Variants in RSU1 observed in about 807,000 individuals in gnomAD.
RSU1 encodes rsu-1.
A neutral mutation model predicts 31.1 loss-of-function variants in RSU1; 26 were observed. The observed-to-expected ratio is 0.84, with a 90% CI of 0.61 to 1.16. RSU1 has a LOEUF of 1.16. Among genes scored for constraint, RSU1 ranks in the 50% most tolerant of loss-of-function variants. RSU1 has a pLI of 0.00. For synonymous variants in RSU1, 164 were observed against 136.3 expected (o/e 1.20, Z -1.41); for missense variants, 320 against 339.1 (o/e 0.94, Z 0.44).
At chr10:16,660,160 T>G (rs1247489413) in intron 8 of RSU1, among the ~76,000 whole-genome samples, 1 of 152,190 alleles carries the variant, frequency 6.6e-6, no homozygotes, top group African/African-American at 2.4e-5. Context: ...AATGTCTCCC[T>G]CCAAGGTAAA....
chr10:16,730,447 G>A (rs898657019), intron 7 of RSU1, among the ~76,000 whole-genome samples: 1 of 152,168 alleles, frequency 6.6e-6, no homozygotes, highest in African/African-American at 2.4e-5. Flanking sequence ...GAAGAGAAGT[G>A]CAGTGTCTTG....
chr10:16,705,076 G>A (rs1349138502), intron 7 of RSU1, among the ~76,000 whole-genome samples: 1 of 151,934 alleles, frequency 6.6e-6, no homozygotes, highest in East Asian at 1.9e-4. Context: ...GCTTATCTCT[G>A]TGATTTTGAC....
intron 2 of RSU1, among the ~76,000 whole-genome samples, chr10:16,784,911 G>A (rs2131650106): frequency 6.6e-6 from 1 of 152,230 alleles, no homozygotes; most frequent in African/African-American, 2.4e-5. Flanking sequence ...CATGGCCAGG[G>A]CAGGAGGAAG....
rs1250801502 is a variant in RSU1 at position 16,752,609 on chromosome 10, G to A, written c.528C>T (p.Ile176=). The change falls in exon 7 of 9, where the codon ATC becomes ATT. Residue 176 remains isoleucine (I), a synonymous_variant. Transcript: ENST00000345264. Reference sequence around the variant, plus strand: ...GCTCTTTAAGCTGGGTAAGCTCCCCGATTTCCTTAGGCAGCGAGATCAGGT... The same window carrying A: ...GCTCTTTAAGCTGGGTAAGCTCCCCAATTTCCTTAGGCAGCGAGATCAGGT... ...DNDLISLPKE[I]GELTQLKELH... 11 of 1,614,118 alleles carry A rather than the reference G, an allele frequency of 6.8e-6. No individual in the cohort carries two copies. Among genetic ancestry groups the A allele is most frequent in the Middle Eastern group, 3.3e-4 (2 of 6,062 alleles).
chr10:16,745,700 C>T (rs1243673432), intron 7 of RSU1, among the ~76,000 whole-genome samples: 2 of 152,126 alleles, frequency 1.3e-5, no homozygotes, highest in South Asian at 2.1e-4. Flanking sequence ...ATGGGAGCTA[C>T]CAGATGAGAT....
intron 8 of RSU1, among the ~76,000 whole-genome samples, chr10:16,654,052 G>C (rs920932152): frequency 1.3e-5 from 2 of 151,860 alleles, no homozygotes; most frequent in African/African-American, 4.8e-5. Flanking sequence ...ACCCAGGCTG[G>C]AGTGCAATGG....
chr10:16,770,143 A>G (rs1401909112), intron 3 of RSU1, among the ~76,000 whole-genome samples: 8 of 152,060 alleles, frequency 5.3e-5, no homozygotes, highest in Admixed American at 4.6e-4. Context: ...GCTTGGGTGC[A>G]GCTGATTTGG....
intron 8 of RSU1, among the ~76,000 whole-genome samples, chr10:16,631,096 C>T (rs1226469082): frequency 1.3e-5 from 2 of 152,134 alleles, no homozygotes; most frequent in African/African-American, 4.8e-5. Flanking sequence ...CATTTGGGTT[C>T]CAGGGTCCCT....
At chr10:16,715,219 C>T (rs1836116868) in intron 7 of RSU1, among the ~76,000 whole-genome samples, 1 of 152,228 alleles carries the variant, frequency 6.6e-6, no homozygotes, top group African/African-American at 2.4e-5. Flanking sequence ...GGGATGAGCA[C>T]TAGGCAACTC....
chr10:16,664,197 T>A (rs980572791), intron 8 of RSU1, among the ~76,000 whole-genome samples: 5 of 152,140 alleles, frequency 3.3e-5, no homozygotes, highest in Admixed American at 3.3e-4. Context: ...ATTTTAGAAG[T>A]TTATGAGGTC....
At chr10:16,647,595 C>T (rs1588693360) in intron 8 of RSU1, among the ~76,000 whole-genome samples, 1 of 152,166 alleles carries the variant, frequency 6.6e-6, no homozygotes, top group East Asian at 1.9e-4. Flanking sequence ...TGGTATGACT[C>T]CATTTATATG....
chr10:16,674,343 C>T (rs1296816101), intron 8 of RSU1, among the ~76,000 whole-genome samples: 1 of 150,608 alleles, frequency 6.6e-6, no homozygotes, highest in African/African-American at 2.4e-5. Flanking sequence ...ATCTGAGCAA[C>T]TCAGACACAA....
intron 8 of RSU1, among the ~76,000 whole-genome samples, chr10:16,683,906 A>G (rs566664190): frequency 1.6e-4 from 25 of 152,338 alleles, no homozygotes; most frequent in African/African-American, 6.0e-4. Flanking sequence ...AGGTAAATTT[A>G]AACATTTTCT....
intron 7 of RSU1, among the ~76,000 whole-genome samples, chr10:16,714,730 G>T (rs1836100615): frequency 6.6e-6 from 1 of 152,082 alleles, no homozygotes; most frequent in African/African-American, 2.4e-5. Context: ...TATAAGGACA[G>T]CTAGGCCTCC....
At chr10:16,711,108 G>T (rs993500734) in intron 7 of RSU1, among the ~76,000 whole-genome samples, 9 of 152,082 alleles carry the variant, frequency 5.9e-5, no homozygotes, top group African/African-American at 1.9e-4. Context: ...AGTCTGTTCA[G>T]ATCTTTAATT....
intron 7 of RSU1, among the ~76,000 whole-genome samples, chr10:16,708,727 C>T (rs970198418): frequency 6.6e-6 from 1 of 151,828 alleles, no homozygotes; most frequent in Non-Finnish European, 1.5e-5. Flanking sequence ...AAGTAGCTTG[C>T]CATTTATTTG....
At chr10:16,785,136 T>C (rs1488688100) in intron 2 of RSU1, among the ~76,000 whole-genome samples, 2 of 152,048 alleles carry the variant, frequency 1.3e-5, no homozygotes. Flanking sequence ...AGACCCACCC[T>C]TAATTTTGGG....
chr10:16,686,798 C>T (rs1471450951), intron 8 of RSU1, among the ~76,000 whole-genome samples: 1 of 152,072 alleles, frequency 6.6e-6, no homozygotes, highest in Non-Finnish European at 1.5e-5. Flanking sequence ...ACGGAAAAGC[C>T]TTTTGTAGTG....
intron 8 of RSU1, among the ~76,000 whole-genome samples, chr10:16,637,861 T>C (rs1274237513): frequency 6.8e-6 from 1 of 147,528 alleles, no homozygotes; most frequent in East Asian, 2.0e-4. Flanking sequence ...GAGAGGAGAG[T>C]TGGATAGGAA....
Sources: allele counts gnomAD v4.1 joint callset (sites outside exome capture counted in the v4.1 genomes callset), GRCh38; gene constraint gnomAD v4.1.1; transcripts MANE v1.5; gene names NCBI Gene and HGNC (gene_info 2026-07-23, HGNC 2026-07-21).